The following MDGA2 variants were observed in gnomAD, a reference collection of about 807,000 sequenced individuals.
MDGA2 encodes the protein MAM domain containing glycosylphosphatidylinositol anchor 2.
Under a neutral mutation model 117.8 loss-of-function variants are expected in MDGA2, and 40 were observed. The observed-to-expected ratio is 0.34, with a 90% CI of 0.26 to 0.44. MDGA2 has a LOEUF of 0.44. MDGA2 is among the 20% of genes least tolerant of loss of function. The pLI is 1.00. For synonymous variants in MDGA2, 452 were observed against 439.0 expected (o/e 1.03, Z -0.37); for missense variants, 1,123 against 1,250.6 (o/e 0.90, Z 1.54).
intron 6 of MDGA2, among the ~76,000 whole-genome samples, chr14:47,072,105 G>GGT (rs1555349475): frequency 7.3e-6 from 1 of 137,086 alleles, no homozygotes; most frequent in African/African-American, 3.0e-5. Context: ...GTTGTTTGGG[G>GGT]GGGGGGGGGT....
At chr14:47,542,221 C>G (rs1483504257) in intron 1 of MDGA2, among the ~76,000 whole-genome samples, 1 of 152,164 alleles carries the variant, frequency 6.6e-6, no homozygotes, top group Admixed American at 6.5e-5. Flanking sequence ...TCTTAAAGCA[C>G]CACTTGTGTT....
intron 1 of MDGA2, among the ~76,000 whole-genome samples, chr14:47,337,752 T>C (rs1191040237): frequency 1.3e-5 from 2 of 151,976 alleles, no homozygotes; most frequent in African/African-American, 2.4e-5. Context: ...TCATAATGTA[T>C]GATATGATAT....
At chr14:47,503,753 G>T (rs538456893) in intron 1 of MDGA2, among the ~76,000 whole-genome samples, 91 of 152,086 alleles carry the variant, frequency 6.0e-4, no homozygotes, top group Middle Eastern at 3.4e-3. Context: ...TTATTTTGTT[G>T]TCAATACCAA....
intron 3 of MDGA2, among the ~76,000 whole-genome samples, chr14:47,148,990 A>C (rs1393369148): frequency 6.6e-6 from 1 of 152,182 alleles, no homozygotes; most frequent in Non-Finnish European, 1.5e-5. Flanking sequence ...CAAGCCATTC[A>C]TTAAGATAAA....
intron 2 of MDGA2, among the ~76,000 whole-genome samples, chr14:47,266,975 CTTAT>C (rs1448726979): frequency 6.6e-6 from 1 of 152,108 alleles, no homozygotes; most frequent in Non-Finnish European, 1.5e-5. Flanking sequence ...CTATGTCTGT[CTTAT>C]TTTTGTCTAT....
intron 1 of MDGA2, among the ~76,000 whole-genome samples, chr14:47,651,766 A>G (rs1226021980): frequency 6.6e-6 from 1 of 152,134 alleles, no homozygotes; most frequent in Non-Finnish European, 1.5e-5. Context: ...ATTTTGCAGA[A>G]CTGCTCCCCA....
At chr14:47,061,127 T>C (rs1889866267) in intron 7 of MDGA2, 122 bp downstream of exon 7, 2 of 792,452 alleles carry the variant, frequency 2.5e-6, no homozygotes, top group Non-Finnish European at 4.0e-6. Flanking sequence ...CAGAACATTA[T>C]AATTTTGTTT....
At chr14:46,923,204 T>C (rs547375752) in intron 9 of MDGA2, among the ~76,000 whole-genome samples, 2 of 152,288 alleles carry the variant, frequency 1.3e-5, no homozygotes, top group South Asian at 4.1e-4. Context: ...AATTTCACTA[T>C]AAAACGTTAT....
chr14:47,260,144 T>C (rs1230216193), intron 2 of MDGA2, among the ~76,000 whole-genome samples: 1 of 151,940 alleles, frequency 6.6e-6, no homozygotes, highest in African/African-American at 2.4e-5. Flanking sequence ...GCCCAAAATA[T>C]AAGAATATGT....
At chr14:47,544,425 T>C (rs2067473893) in intron 1 of MDGA2, among the ~76,000 whole-genome samples, 1 of 152,182 alleles carries the variant, frequency 6.6e-6, no homozygotes, top group African/African-American at 2.4e-5. Context: ...GTGAGGTAAT[T>C]GTTGCCTCTT....
chr14:47,221,117 T>A (rs1259607179), intron 2 of MDGA2, among the ~76,000 whole-genome samples: 3 of 150,338 alleles, frequency 2.0e-5, no homozygotes, highest in Non-Finnish European at 4.4e-5. Context: ...TAAATAAAGT[T>A]TTTTAAAACC....
At chr14:47,285,330 G>T (rs1220845258) in intron 2 of MDGA2, among the ~76,000 whole-genome samples, 1 of 150,712 alleles carries the variant, frequency 6.6e-6, no homozygotes, top group Non-Finnish European at 1.5e-5. Context: ...CTACTAAATT[G>T]ATTTTTTTTC....
chr14:47,672,874 C>A (rs1203342048), intron 1 of MDGA2, among the ~76,000 whole-genome samples: 1 of 152,106 alleles, frequency 6.6e-6, no homozygotes, highest in Non-Finnish European at 1.5e-5. Context: ...AAGTTAATTC[C>A]TACTCTTTTC....
chr14:47,456,188 G>T (rs921243496), intron 1 of MDGA2, among the ~76,000 whole-genome samples: 7 of 151,778 alleles, frequency 4.6e-5, no homozygotes, highest in Non-Finnish European at 1.0e-4. Context: ...GACTTTAGGG[G>T]ATATAATATT....
At chr14:46,913,553 T>G (rs1346376233) in intron 10 of MDGA2, among the ~76,000 whole-genome samples, 1 of 152,210 alleles carries the variant, frequency 6.6e-6, no homozygotes, top group Non-Finnish European at 1.5e-5. Context: ...TAGTCACATC[T>G]ACTGAAGACC....
At chr14:47,242,103 A>G (rs1320194891) in intron 2 of MDGA2, among the ~76,000 whole-genome samples, 1 of 151,886 alleles carries the variant, frequency 6.6e-6, no homozygotes, top group African/African-American at 2.4e-5. Flanking sequence ...CTAATAACCT[A>G]TGAAGATTGC....
At chr14:47,393,496 T>C (rs149021634) in intron 1 of MDGA2, among the ~76,000 whole-genome samples, 2 of 152,280 alleles carry the variant, frequency 1.3e-5, no homozygotes, top group Non-Finnish European at 2.9e-5. Context: ...CTTTTTCTTT[T>C]AAATTGTGGG....
At chr14:46,923,966 T>G (rs1365878687) in intron 9 of MDGA2, among the ~76,000 whole-genome samples, 1 of 152,042 alleles carries the variant, frequency 6.6e-6, no homozygotes, top group East Asian at 1.9e-4. Context: ...AAGAAAATTT[T>G]CTTACTCTGT....
chr14:47,665,811 C>CT (rs1566565646), intron 1 of MDGA2, among the ~76,000 whole-genome samples: 3 of 9,778 alleles, frequency 3.1e-4, no homozygotes, highest in East Asian at 2.1e-3. Context: ...CCCTCGCCCC[C>CT]CCTCCCCCCC....
Sources: gnomAD v4.1 joint callset for allele counts (sites outside exome capture counted in the v4.1 genomes callset) on GRCh38, gnomAD v4.1.1 for gene constraint, MANE v1.5 for transcripts, NCBI Gene and HGNC (gene_info 2026-07-23, HGNC 2026-07-21) for gene names.